Variants in GULP1 observed in about 807,000 individuals in gnomAD.
GULP1 encodes the protein PTB domain-containing engulfment adapter protein 1.
In GULP1, 19 loss-of-function variants were observed where a neutral mutation model predicts 40.9. That is an observed-to-expected ratio of 0.46 (90% CI 0.32 to 0.68). The LOEUF (loss-of-function observed/expected upper bound fraction) is 0.68. GULP1 is among the 30% of genes least tolerant of loss of function. The pLI is 0.03. For missense variants in GULP1, 312 were observed against 362.2 expected (o/e 0.86, Z 1.12); for synonymous variants, 119 against 117.6 (o/e 1.01, Z -0.08).
chr2:188,530,468 AC>A lies in GULP1; in HGVS notation c.261+1277del, dbSNP rs546669665. Among the ~76,000 whole-genome samples, 32 of 152,264 alleles carry A rather than the reference AC, an allele frequency of 2.1e-4. 1 individual carries two copies. In the South Asian group the frequency reaches 6.0e-3, roughly 29 times the overall value. On this transcript the variant is annotated intron_variant, in intron 6 of 11. Coordinates refer to ENST00000409830, the MANE Select transcript of GULP1 (RefSeq NM_016315.4). The stretch of plus-strand genomic sequence containing the variant: ...CCAAAATTCCTGTGTTCATGCCCTA[AC>A]CCCTAATATGACTATATTTGAAGAT...
At chr2:188,461,084 G>A (rs1439882022) in intron 2 of GULP1, among the ~76,000 whole-genome samples, 1 of 152,032 alleles carries the variant, frequency 6.6e-6, no homozygotes, top group Non-Finnish European at 1.5e-5. Context: ...AGTGATATTG[G>A]CCTATAGTTT....
intron 7 of GULP1, among the ~76,000 whole-genome samples, chr2:188,547,064 T>TA (rs1239580316): frequency 1.3e-5 from 2 of 152,028 alleles, no homozygotes; most frequent in African/African-American, 2.4e-5. Flanking sequence ...TAAAAGTTAT[T>TA]AAAAGATAAA....
At chr2:188,449,131 A>G (rs2058634273) in intron 2 of GULP1, among the ~76,000 whole-genome samples, 1 of 152,222 alleles carries the variant, frequency 6.6e-6, no homozygotes, top group African/African-American at 2.4e-5. Flanking sequence ...ATAGGCACAT[A>G]ATAGATATTC....
intron 6 of GULP1, among the ~76,000 whole-genome samples, chr2:188,540,757 C>T (rs7593824): frequency 0.97 from 148,207 of 152,204 alleles, 72,293 homozygotes; most frequent in East Asian, 1. Context: ...TGCTAGTAAA[C>T]AGCAGTGAGA....
chr2:188,463,418 T>G (rs556872440), intron 2 of GULP1, among the ~76,000 whole-genome samples: 1 of 152,318 alleles, frequency 6.6e-6, no homozygotes, highest in East Asian at 1.9e-4. Flanking sequence ...ATTTGTTTCT[T>G]TTCTCTTGCT....
At chr2:188,479,216 T>C (rs1379100592) in intron 3 of GULP1, among the ~76,000 whole-genome samples, 2 of 152,098 alleles carry the variant, frequency 1.3e-5, no homozygotes, top group Admixed American at 6.6e-5. Context: ...AGAAGATTAA[T>C]GTATTCAGTG....
chr2:188,423,553 G>A (rs1046239452), intron 2 of GULP1, among the ~76,000 whole-genome samples: 2 of 151,484 alleles, frequency 1.3e-5, no homozygotes, highest in Admixed American at 6.6e-5. Flanking sequence ...CTTTTAAAAC[G>A]TACTCTTAGA....
intron 6 of GULP1, among the ~76,000 whole-genome samples, chr2:188,531,961 C>T (rs1482740316): frequency 1.3e-5 from 2 of 152,104 alleles, no homozygotes; most frequent in African/African-American, 2.4e-5. Context: ...TTTTTTTCTA[C>T]ACCATATGAA....
At chr2:188,476,812 A>G (rs2153034561) in intron 2 of GULP1, among the ~76,000 whole-genome samples, 1 of 152,212 alleles carries the variant, frequency 6.6e-6, no homozygotes, top group Admixed American at 6.6e-5. Flanking sequence ...AGTACCAATA[A>G]ATATTTAATC....
rs955253782 is a variant in GULP1 at position 188,296,604 on chromosome 2, T to C, written c.-172+4438T>C. Reference sequence around the variant, plus strand: ...AATAGTTTTGAAAAGGCTGCCCTAATTTGCACACATAATATGAATAAGTAA... The same window carrying C: ...AATAGTTTTGAAAAGGCTGCCCTAACTTGCACACATAATATGAATAAGTAA... On this transcript the variant is annotated intron_variant, in intron 1 of 11. Coordinates refer to ENST00000409830, the MANE Select transcript of GULP1 (RefSeq NM_016315.4). 2.0e-5 allele frequency among the ~76,000 whole-genome samples: 3 copies of C among 152,090 alleles called. No individual in the cohort carries two copies. In the East Asian group the frequency reaches 5.8e-4, roughly 29 times the overall value.
intron 2 of GULP1, among the ~76,000 whole-genome samples, chr2:188,392,493 T>C (rs1010202671): frequency 2.0e-5 from 3 of 152,092 alleles, no homozygotes; most frequent in African/African-American, 7.2e-5. Flanking sequence ...GTTTCTCTTC[T>C]TTGTTAATCT....
rs1361826183 is a variant in GULP1 at position 188,552,864 on chromosome 2, T to C, written c.399+11546T>C. On this transcript the variant is annotated intron_variant, in intron 7 of 11. Coordinates refer to ENST00000409830, the MANE Select transcript of GULP1 (RefSeq NM_016315.4). ...GGTTAAATTTATTCATATATATATA[T>C]ATTTATTCCTATATATGTATATACA... Among the ~76,000 whole-genome samples the C allele has an allele frequency of 8.0e-5, 12 of 150,236 alleles. No individual in the cohort carries two copies. In the Admixed American group the frequency reaches 8.0e-4, roughly 10 times the overall value.
At chr2:188,300,076 T>A (rs2035857786) in intron 1 of GULP1, among the ~76,000 whole-genome samples, 1 of 152,230 alleles carries the variant, frequency 6.6e-6, no homozygotes, top group African/African-American at 2.4e-5. Flanking sequence ...AACAACCATC[T>A]TGTTTTTCTT....
At chr2:188,548,973 C>A (rs184070092) in intron 7 of GULP1, among the ~76,000 whole-genome samples, 33 of 151,600 alleles carry the variant, frequency 2.2e-4, no homozygotes, top group Non-Finnish European at 3.8e-4. Context: ...TCATCATGGA[C>A]TTAGATATAA....
At chr2:188,406,338 T>C (rs1459392411) in intron 2 of GULP1, among the ~76,000 whole-genome samples, 1 of 152,136 alleles carries the variant, frequency 6.6e-6, no homozygotes, top group Non-Finnish European at 1.5e-5. Flanking sequence ...TACTATATTA[T>C]AATCTTATGG....
At chr2:188,349,597 A>G (rs1456597917) in intron 1 of GULP1, among the ~76,000 whole-genome samples, 1 of 151,958 alleles carries the variant, frequency 6.6e-6, no homozygotes, top group African/African-American at 2.4e-5. Context: ...TTGTCTTTTT[A>G]TTGTTGAGTT....
intron 1 of GULP1, among the ~76,000 whole-genome samples, chr2:188,350,026 A>C (rs1559138497): frequency 6.6e-6 from 1 of 152,164 alleles, no homozygotes; most frequent in African/African-American, 2.4e-5. Context: ...TATACATATA[A>C]GGGTTTATTT....
intron 2 of GULP1, among the ~76,000 whole-genome samples, chr2:188,461,318 CT>C (rs549518354): frequency 0.13 from 16,384 of 122,870 alleles, 1,125 homozygotes; most frequent in African/African-American, 0.31. Context: ...TACTGGTAAG[CT>C]TTTTTTTTTT....
rs545215831 is a variant in GULP1, at chr2:188,341,407, A to G, written c.-171-42356A>G. Among the ~76,000 whole-genome samples, 14 of 152,180 alleles carry G rather than the reference A, an allele frequency of 9.2e-5. 1 individual carries two copies. The highest frequency in any genetic ancestry group is 3.9e-4 in the East Asian group (2 of 5,148). ...ATGAGAAATCCACTCCTGTCATCCA[A>G]TCACCTCCCACAAGGCTCCACCTCC... On this transcript the variant is annotated intron_variant, in intron 1 of 11. Coordinates refer to ENST00000409830, the MANE Select transcript of GULP1 (RefSeq NM_016315.4).
Sources: allele counts gnomAD v4.1 joint callset (sites outside exome capture counted in the v4.1 genomes callset), GRCh38; gene constraint gnomAD v4.1.1; transcripts MANE v1.5; gene names NCBI Gene and HGNC (gene_info 2026-07-23, HGNC 2026-07-21).